Variants in HS1BP3 observed in about 807,000 individuals in gnomAD.
The protein encoded by HS1BP3 is HCLS1-binding protein 3.
HS1BP3 carries 32 observed loss-of-function variants against 33.5 expected under a neutral mutation model. That is an observed-to-expected ratio of 0.95 (90% CI 0.72 to 1.28). The LOEUF is 1.28. Among genes scored for constraint, HS1BP3 ranks in the 50% most tolerant of loss-of-function variants. The pLI, the probability that HS1BP3 is intolerant of heterozygous loss-of-function variation, is 0.00. For missense variants in HS1BP3, 486 were observed against 502.3 expected (o/e 0.97, Z 0.31); for synonymous variants, 187 against 209.2 (o/e 0.89, Z 0.92).
Position 20,641,042 on chromosome 2 carries a change from T to C in HS1BP3, c.337A>G (p.Asn113Asp). The change falls in exon 3 of 7, where the codon AAT becomes GAT. Residue 113 changes from asparagine to aspartate, a missense_variant. Asn to Asp is a conservative substitution (Grantham distance 23). Transcript: ENST00000304031. The stretch of plus-strand genomic sequence containing the variant: ...TTGGAGACACAGCGCAGGATCTCAT[T>C]GAACACGGCTCTCCTCTCCCGGATG... ...SDIRERRAVF[N>D]EILRCVSKDA... is the part of the protein sequence containing the mutation. 6.2e-7 allele frequency: 1 copy of C among 1,614,204 alleles called. No homozygotes were observed. The highest frequency in any genetic ancestry group is 8.5e-7 in the Non-Finnish European group (1 of 1,180,040).
At chr2:20,650,229 G>T (rs1425608307) in intron 1 of HS1BP3, among the ~76,000 whole-genome samples, 1 of 152,192 alleles carries the variant, frequency 6.6e-6, no homozygotes, top group African/African-American at 2.4e-5. Context: ...GTCATAAATT[G>T]GCATCTTAGC....
intron 4 of HS1BP3, among the ~76,000 whole-genome samples, chr2:20,626,723 T>C (rs1303054172): frequency 2.0e-5 from 3 of 152,090 alleles, no homozygotes; most frequent in Non-Finnish European, 4.4e-5. Context: ...TCCTCTGCTG[T>C]GCACCACCCT....
intron 2 of HS1BP3, among the ~76,000 whole-genome samples, chr2:20,608,922 T>C (rs57737883): frequency 0.2 from 29,692 of 152,108 alleles, 3,148 homozygotes; most frequent in African/African-American, 0.26. Context: ...CTCCCACAGC[T>C]CTGAGCATGA....
intron 2 of HS1BP3, 58 bp downstream of exon 2, chr2:20,645,282 T>TCTGC: frequency 6.4e-7 from 1 of 1,558,708 alleles, no homozygotes; most frequent in South Asian, 1.2e-5. Flanking sequence ...GGCAGATGTG[T>TCTGC]CTGCCCGCCC....
chr2:20,567,223 G>A (rs185099156), intron 5 of HS1BP3, among the ~76,000 whole-genome samples: 125 of 151,956 alleles, frequency 8.2e-4, no homozygotes, highest in African/African-American at 2.5e-3. Context: ...GCAGCAGCAC[G>A]GGACTCACAT....
downstream of HS1BP3, among the ~76,000 whole-genome samples, chr2:20,589,300 G>A (rs1253404620): frequency 1.3e-5 from 2 of 152,186 alleles, no homozygotes; most frequent in Non-Finnish European, 2.9e-5. Context: ...GCGTGCCAAT[G>A]TCTCTCTGAA....
chr2:20,555,116 C>G, the HS1BP3 span, among the ~76,000 whole-genome samples: 1 of 152,218 alleles, frequency 6.6e-6, no homozygotes, highest in Non-Finnish European at 1.5e-5. Context: ...ATGTTTACAC[C>G]ATTGTCTCAC....
intron 5 of HS1BP3, among the ~76,000 whole-genome samples, chr2:20,562,584 A>AG (rs1198141522): frequency 3.3e-5 from 5 of 152,246 alleles, no homozygotes; most frequent in African/African-American, 9.6e-5. Context: ...GAACCTGCAG[A>AG]GGGGGTCACA....
intron 4 of HS1BP3, among the ~76,000 whole-genome samples, chr2:20,627,839 T>C (rs1238491168): frequency 6.6e-6 from 1 of 152,116 alleles, no homozygotes; most frequent in East Asian, 1.9e-4. Flanking sequence ...ACTTTCAGCC[T>C]CTGGGGGCTT....
intron 2 of HS1BP3, 90 bp from the exon 3 acceptor site, chr2:20,641,270 A>T: frequency 8.4e-7 from 1 of 1,189,210 alleles, no homozygotes; most frequent in Non-Finnish European, 1.2e-6. Flanking sequence ...AAGGCCCAGC[A>T]GCCAAAGGAA....
chr2:20,618,980 G>A lies in HS1BP3; in HGVS notation c.*7C>T. 6.2e-7 allele frequency: 1 copy of A among 1,611,522 alleles called. No individual in the cohort carries two copies. The highest frequency in any genetic ancestry group is 8.5e-7 in the Non-Finnish European group (1 of 1,178,332). On this transcript the variant is annotated 3_prime_UTR_variant, in exon 7 of 7. Coordinates refer to ENST00000304031, the MANE Select transcript of HS1BP3 (RefSeq NM_022460.4). ...GGCCTGCTGGGCCAGGGGCCAGCAT[G>A]GAAGGGTCAGAAGAGGCTGGGGGCG...
At chr2:20,628,933 C>G (rs1694880491) in intron 4 of HS1BP3, among the ~76,000 whole-genome samples, 2 of 152,168 alleles carry the variant, frequency 1.3e-5, no homozygotes, top group Non-Finnish European at 2.9e-5. Flanking sequence ...CATGAGGGAA[C>G]AGGCTGAGAG....
intron 5 of HS1BP3, among the ~76,000 whole-genome samples, chr2:20,584,185 A>G (rs1037384508): frequency 6.6e-6 from 1 of 152,134 alleles, no homozygotes; most frequent in African/African-American, 2.4e-5. Context: ...ATGGAGTTGC[A>G]CCCTTCCTGG....
downstream of HS1BP3, among the ~76,000 whole-genome samples, chr2:20,556,544 G>T (rs1235675417): frequency 2.0e-5 from 3 of 152,020 alleles, no homozygotes; most frequent in Non-Finnish European, 4.4e-5. Flanking sequence ...TGACTTCTGG[G>T]CTTTGTCTAT....
chr2:20,567,523 T>C (rs1415543553), intron 5 of HS1BP3, among the ~76,000 whole-genome samples: 4 of 65,902 alleles, frequency 6.1e-5, no homozygotes, highest in Admixed American at 5.5e-4. Context: ...AGGCATGTGG[T>C]GCTGGCAGCC....
chr2:20,610,879 G>A (rs951777617), intron 2 of HS1BP3, among the ~76,000 whole-genome samples: 4 of 152,192 alleles, frequency 2.6e-5, no homozygotes, highest in Admixed American at 2.0e-4. Context: ...TTTGGTGAAC[G>A]TTTATAGTCA....
intron 5 of HS1BP3, among the ~76,000 whole-genome samples, chr2:20,576,051 T>C (rs10210506): frequency 0.96 from 145,957 of 152,208 alleles, 70,281 homozygotes; most frequent in East Asian, 1. Flanking sequence ...TGCAGTGGCA[T>C]GACCGCAGCT....
intron 2 of HS1BP3, among the ~76,000 whole-genome samples, chr2:20,643,535 C>T (rs1451536772): frequency 1.3e-5 from 2 of 152,202 alleles, no homozygotes; most frequent in Admixed American, 1.3e-4. Context: ...TGACATCACA[C>T]GTTGCTTCTC....
chr2:20,625,740 C>T (rs1273118464), intron 4 of HS1BP3, among the ~76,000 whole-genome samples: 3 of 152,136 alleles, frequency 2.0e-5, no homozygotes, highest in Non-Finnish European at 4.4e-5. Flanking sequence ...CTGTAAGAAA[C>T]CAGGACGGGG....
Sources: gnomAD v4.1 joint callset for allele counts (sites outside exome capture counted in the v4.1 genomes callset) on GRCh38, gnomAD v4.1.1 for gene constraint, MANE v1.5 for transcripts, NCBI Gene and HGNC (gene_info 2026-07-23, HGNC 2026-07-21) for gene names.